The following EPHA6 variants were observed in gnomAD, a reference collection of about 807,000 sequenced individuals.
The protein encoded by EPHA6 is ephrin type-A receptor 6.
EPHA6 carries 50 observed loss-of-function variants against 112.0 expected under a neutral mutation model. That is an observed-to-expected ratio of 0.45 (90% CI 0.36 to 0.56). The LOEUF is 0.56. Ranked by LOEUF, EPHA6 falls within the 20% of genes least tolerant of loss-of-function variation. The pLI is 0.00. For missense variants in EPHA6, 1,280 were observed against 1,417.4 expected (o/e 0.90, Z 1.56); for synonymous variants, 529 against 490.7 (o/e 1.08, Z -1.03).
intron 6 of EPHA6, among the ~76,000 whole-genome samples, chr3:97,428,980 T>C (rs1235860106): frequency 6.6e-6 from 1 of 152,158 alleles, no homozygotes; most frequent in Non-Finnish European, 1.5e-5. Context: ...CTTTCTTGCC[T>C]CCTCTCAATT....
intron 2 of EPHA6, among the ~76,000 whole-genome samples, chr3:96,909,611 C>A (rs928450207): frequency 6.6e-6 from 1 of 151,878 alleles, no homozygotes; most frequent in Non-Finnish European, 1.5e-5. Context: ...CTCAACTGAT[C>A]ATTACACTGT....
intron 5 of EPHA6, among the ~76,000 whole-genome samples, chr3:97,403,533 G>T (rs1358059979): frequency 6.6e-6 from 1 of 152,132 alleles, no homozygotes; most frequent in East Asian, 1.9e-4. Flanking sequence ...TGCAAACTCC[G>T]CCTCCCGGGT....
chr3:97,195,279 C>T (rs1004901608), intron 3 of EPHA6, among the ~76,000 whole-genome samples: 31 of 151,862 alleles, frequency 2.0e-4, no homozygotes, highest in African/African-American at 7.0e-4. Context: ...GAGATAGCCA[C>T]GAGGCTTGCA....
At chr3:97,622,844 G>T (rs1162275112) in intron 13 of EPHA6, among the ~76,000 whole-genome samples, 3 of 151,656 alleles carry the variant, frequency 2.0e-5, no homozygotes, top group Non-Finnish European at 4.4e-5. Context: ...TTTAATTTCT[G>T]TAATGATTTG....
chr3:97,256,298 G>A (rs962088852), intron 5 of EPHA6, among the ~76,000 whole-genome samples: 1 of 151,870 alleles, frequency 6.6e-6, no homozygotes, highest in African/African-American at 2.4e-5. Context: ...TAATGTATCT[G>A]CCTTCATGTG....
chr3:97,033,466 A>G (rs1466734364), intron 3 of EPHA6, among the ~76,000 whole-genome samples: 2 of 152,020 alleles, frequency 1.3e-5, no homozygotes, highest in Non-Finnish European at 2.9e-5. Context: ...ATCTTTAAGA[A>G]AATTCACATA....
At chr3:97,569,204 T>C (rs936360927) in intron 11 of EPHA6, among the ~76,000 whole-genome samples, 5 of 152,346 alleles carry the variant, frequency 3.3e-5, no homozygotes, top group Admixed American at 3.3e-4. Flanking sequence ...TATTATTTTA[T>C]ATGCATTTGT....
intron 2 of EPHA6, among the ~76,000 whole-genome samples, chr3:96,983,504 C>G (rs979001404): frequency 4.6e-5 from 7 of 152,126 alleles, no homozygotes; most frequent in Non-Finnish European, 1.0e-4. Flanking sequence ...TCCATTTCAA[C>G]TTTGGTGAAT....
At chr3:97,073,494 G>A (rs1040186854) in intron 3 of EPHA6, among the ~76,000 whole-genome samples, 2 of 152,080 alleles carry the variant, frequency 1.3e-5, no homozygotes, top group Non-Finnish European at 2.9e-5. Context: ...CACAACGTGT[G>A]TTAGAATGAT....
At chr3:97,102,899 A>C (rs1452595778) in intron 3 of EPHA6, among the ~76,000 whole-genome samples, 1 of 151,634 alleles carries the variant, frequency 6.6e-6, no homozygotes. Flanking sequence ...GCTTTTATTC[A>C]TTTGCTTTTT....
chr3:97,559,232 G>A (rs1265793380), intron 11 of EPHA6, among the ~76,000 whole-genome samples: 1 of 151,882 alleles, frequency 6.6e-6, no homozygotes, highest in Admixed American at 6.6e-5. Context: ...ATTAATAAGG[G>A]CAAGACAAAA....
In EPHA6 at chr3:97,212,839, G is replaced by T. The variant is rs1176501620; in HGVS notation, c.1115-13425G>T. Among the ~76,000 whole-genome samples, 3 of 152,128 alleles carry T rather than the reference G, an allele frequency of 2.0e-5. No homozygotes were observed. The East Asian group carries it at 5.8e-4, about 29-fold the overall frequency. On this transcript the variant is annotated intron_variant, in intron 3 of 17. Coordinates refer to ENST00000389672, the MANE Select transcript of EPHA6 (RefSeq NM_001080448.3). ...TCATTTCAGGATATTCAGGAATATG[G>T]TGTTAGTTTTCCTGTGTGTGTGTAT... is the stretch of plus-strand genomic sequence containing the variant.
At chr3:97,403,425 T>C (rs1274649489) in intron 5 of EPHA6, among the ~76,000 whole-genome samples, 1 of 152,128 alleles carries the variant, frequency 6.6e-6, no homozygotes, top group African/African-American at 2.4e-5. Flanking sequence ...TTCTGTTGAT[T>C]TTTCAAAATT....
chr3:96,873,711 G>A (rs2036775157), intron 2 of EPHA6, among the ~76,000 whole-genome samples: 1 of 152,054 alleles, frequency 6.6e-6, no homozygotes, highest in South Asian at 2.1e-4. Flanking sequence ...AGATTTCAGA[G>A]CTTTCTTGTG....
At chr3:97,159,673 T>C (rs549093468) in intron 3 of EPHA6, among the ~76,000 whole-genome samples, 1 of 152,238 alleles carries the variant, frequency 6.6e-6, no homozygotes, top group South Asian at 2.1e-4. Flanking sequence ...CACTATTCTG[T>C]CAAGCCAGCT....
chr3:97,245,364 T>C (rs947823637), intron 5 of EPHA6, among the ~76,000 whole-genome samples: 1 of 152,000 alleles, frequency 6.6e-6, no homozygotes. Context: ...ACATTAGTCA[T>C]ATTGAATTAG....
At chr3:97,030,295 C>T (rs945796368) in intron 3 of EPHA6, among the ~76,000 whole-genome samples, 5 of 152,016 alleles carry the variant, frequency 3.3e-5, no homozygotes, top group African/African-American at 4.8e-5. Context: ...CACACTGGAC[C>T]CCATTCCAGC....
chr3:97,655,966 C>A (rs2094135829), intron 14 of EPHA6, among the ~76,000 whole-genome samples: 1 of 151,902 alleles, frequency 6.6e-6, no homozygotes, highest in East Asian at 1.9e-4. Flanking sequence ...TGCAAACACA[C>A]CTCAAAATGT....
intron 10 of EPHA6, among the ~76,000 whole-genome samples, chr3:97,492,452 G>T (rs994875890): frequency 6.7e-6 from 1 of 148,714 alleles, no homozygotes; most frequent in Non-Finnish European, 1.5e-5. Flanking sequence ...TGAGGCAGGA[G>T]AATCTCTAGA....
Sources: gnomAD v4.1 joint callset for allele counts (sites outside exome capture counted in the v4.1 genomes callset) on GRCh38, gnomAD v4.1.1 for gene constraint, MANE v1.5 for transcripts, NCBI Gene and HGNC (gene_info 2026-07-23, HGNC 2026-07-21) for gene names.